Variants in MNAT1 observed in about 807,000 individuals in gnomAD.
The protein encoded by MNAT1 is MNAT1 component of CDK activating kinase.
A neutral mutation model predicts 42.0 loss-of-function variants in MNAT1; 43 were observed. That is an observed-to-expected ratio of 1.02 (90% CI 0.80 to 1.32). The LOEUF is 1.32. Ranked by LOEUF, MNAT1 falls within the 40% of genes most tolerant of loss-of-function variation. The pLI is 0.00. For missense variants in MNAT1, 306 were observed against 350.4 expected, an observed-to-expected ratio of 0.87 and a Z score of 1.01; for synonymous variants, 118 against 120.0, an observed-to-expected ratio of 0.98 and a Z score of 0.11.
intron 7 of MNAT1, among the ~76,000 whole-genome samples, chr14:60,888,492 T>C (rs1473331568): frequency 6.6e-6 from 1 of 152,082 alleles, no homozygotes; most frequent in Non-Finnish European, 1.5e-5. Context: ...GCCAATATCA[T>C]ACAGAATGGA....
chr14:60,777,096 T>C (rs2031281542), intron 1 of MNAT1, among the ~76,000 whole-genome samples: 1 of 152,132 alleles, frequency 6.6e-6, no homozygotes. Context: ...GCAATCCACC[T>C]GCCTCAGCCT....
intron 6 of MNAT1, among the ~76,000 whole-genome samples, chr14:60,820,693 C>A (rs928862921): frequency 2.0e-5 from 3 of 152,124 alleles, no homozygotes; most frequent in Admixed American, 6.5e-5. Context: ...AGTGGACTAT[C>A]ACAGTAACAT....
At chr14:60,747,489 A>G (rs2029886095) in intron 1 of MNAT1, among the ~76,000 whole-genome samples, 1 of 152,194 alleles carries the variant, frequency 6.6e-6, no homozygotes, top group South Asian at 2.1e-4. Flanking sequence ...CTGTAACACA[A>G]TGGTAAGTTT....
intron 1 of MNAT1, among the ~76,000 whole-genome samples, chr14:60,747,632 G>A (rs1212453819): frequency 6.6e-6 from 1 of 152,168 alleles, no homozygotes; most frequent in Non-Finnish European, 1.5e-5. Context: ...TCAGTAAGTA[G>A]TGAGTGAATG....
chr14:60,904,978 T>TTTTTTTTTTTTTTG, intron 7 of MNAT1, among the ~76,000 whole-genome samples: 1 of 122,380 alleles, frequency 8.2e-6, no homozygotes, highest in African/African-American at 3.2e-5. Context: ...AGCAGTTCCT[T>TTTTTTTTTTTTTTG]TTTTTTTTTT....
At chr14:60,807,392 T>C (rs2032406270) in intron 3 of MNAT1, among the ~76,000 whole-genome samples, 1 of 151,908 alleles carries the variant, frequency 6.6e-6, no homozygotes, top group South Asian at 2.1e-4. Flanking sequence ...AGATCCGTCT[T>C]GTTTGTAGGG....
At chr14:60,778,823 T>C (rs1469765840) in intron 1 of MNAT1, among the ~76,000 whole-genome samples, 3 of 152,220 alleles carry the variant, frequency 2.0e-5, no homozygotes, top group Non-Finnish European at 4.4e-5. Flanking sequence ...TGCTTGGCCA[T>C]CATATGGATA....
chr14:60,786,835 A>G (rs1197862357), intron 1 of MNAT1, among the ~76,000 whole-genome samples: 3 of 152,186 alleles, frequency 2.0e-5, no homozygotes. Flanking sequence ...GAAAAGGGAT[A>G]AGCATTTTAA....
intron 2 of MNAT1, among the ~76,000 whole-genome samples, 172 bp from the exon 3 acceptor site, chr14:60,797,915 G>A (rs1366208020): frequency 6.6e-6 from 1 of 152,020 alleles, no homozygotes; most frequent in Non-Finnish European, 1.5e-5. Flanking sequence ...GGACAACAGA[G>A]CAAGACTCCA....
At chr14:60,898,761 C>A (rs1566543235) in intron 7 of MNAT1, among the ~76,000 whole-genome samples, 1 of 151,996 alleles carries the variant, frequency 6.6e-6, no homozygotes, top group Non-Finnish European at 1.5e-5. Flanking sequence ...TTTAGTTTAA[C>A]ATAGTTCCAT....
intron 3 of MNAT1, among the ~76,000 whole-genome samples, chr14:60,807,747 T>C (rs1827571837): frequency 6.6e-6 from 1 of 152,156 alleles, no homozygotes; most frequent in Non-Finnish European, 1.5e-5. Flanking sequence ...GAAATTCTTT[T>C]ACTTTAAGTT....
rs997561792 is a variant in MNAT1, at chr14:60,840,055, G to T, written c.687+21208G>T. Among the ~76,000 whole-genome samples, 105 of 152,256 alleles carry T rather than the reference G, an allele frequency of 6.9e-4. 1 individual carries two copies. Among genetic ancestry groups the T allele is most frequent in the Admixed American group, 6.8e-3 (104 of 15,292 alleles). On this transcript the variant is annotated intron_variant, in intron 6 of 7. Coordinates refer to ENST00000261245, the MANE Select transcript of MNAT1 (RefSeq NM_002431.4). ...CCAGCTGGAAAAGCGGCATCCTGCGGATCCCTAGAAAGAAACTTAGATTAT... is the reference window on the plus strand; with the variant it reads ...CCAGCTGGAAAAGCGGCATCCTGCGTATCCCTAGAAAGAAACTTAGATTAT...
rs1896428202 is a variant in MNAT1 at position 60,740,310 on chromosome 14, G to T, written c.89+5359G>T. 6.6e-6 allele frequency among the ~76,000 whole-genome samples: 1 copy of T among 152,122 alleles called. No individual in the cohort carries two copies. The highest frequency in any genetic ancestry group is 6.5e-5 in the Admixed American group (1 of 15,270). On this transcript the variant is annotated intron_variant, in intron 1 of 7. Transcript: ENST00000261245. This position sits in a 1 kb window ranked among gnomAD's most constrained non-coding sequence, Gnocchi z 4.1. The stretch of plus-strand genomic sequence containing the variant: ...TCTTGATATATAAAGGCAATGTTTT[G>T]TGATAGTTACTTAACATCTTTCTCT...
intron 1 of MNAT1, among the ~76,000 whole-genome samples, chr14:60,793,199 G>A (rs894811750): frequency 1.3e-5 from 2 of 151,150 alleles, no homozygotes; most frequent in Non-Finnish European, 3.0e-5. Flanking sequence ...GTTGTTTTTT[G>A]CTTGTTTGTT....
chr14:60,905,006 G>C (rs992626243), intron 7 of MNAT1, among the ~76,000 whole-genome samples: 1 of 24,140 alleles, frequency 4.1e-5, no homozygotes, highest in Non-Finnish European at 9.1e-5. Context: ...ACGGAGTCTC[G>C]CTCTGTTGCC....
chr14:60,900,526 T>A (rs117671601), intron 7 of MNAT1, among the ~76,000 whole-genome samples: 1 of 152,320 alleles, frequency 6.6e-6, no homozygotes, highest in Non-Finnish European at 1.5e-5. Context: ...TAACAAAGGT[T>A]GGTTCATGAA....
chr14:60,968,268 T>C lies in MNAT1; in HGVS notation c.849T>C (p.Leu283=). The C allele has an allele frequency of 6.2e-7, 1 of 1,614,000 alleles. No homozygotes were observed. Among genetic ancestry groups the C allele is most frequent in the Non-Finnish European group, 8.5e-7 (1 of 1,179,912 alleles). The change falls in exon 8 of 8, where the codon CTT becomes CTC. Residue 283 remains leucine, a synonymous_variant. Transcript: ENST00000261245. ...TCAGAGCTGCCTCACCACAGGACCT[T>C]GCTGGAGGCTATACTTCTTCTCTTG... ...NHVRAASPQD[L]AGGYTSSLAC...
intron 6 of MNAT1, among the ~76,000 whole-genome samples, chr14:60,827,653 T>C (rs2033092829): frequency 6.6e-6 from 1 of 152,184 alleles, no homozygotes; most frequent in Non-Finnish European, 1.5e-5. Flanking sequence ...AATATATAAT[T>C]TGCACTTAGG....
chr14:60,842,241 T>C (rs911110135), intron 6 of MNAT1, among the ~76,000 whole-genome samples: 1 of 152,264 alleles, frequency 6.6e-6, no homozygotes, highest in Non-Finnish European at 1.5e-5. Context: ...AAAATACTTA[T>C]CTGCTCCTTA....
Sources: gnomAD v4.1 joint callset for allele counts (sites outside exome capture counted in the v4.1 genomes callset) on GRCh38, gnomAD v4.1.1 for gene constraint, Gnocchi (gnomAD v3.1) non-coding constraint, MANE v1.5 for transcripts, NCBI Gene and HGNC (gene_info 2026-07-23, HGNC 2026-07-21) for gene names.